RBFOX1: variants seen among roughly 807,000 people sequenced by gnomAD.
The protein encoded by RBFOX1 is RNA binding protein fox-1 homolog 1.
RBFOX1 carries 8 observed loss-of-function variants against 57.7 expected under a neutral mutation model. The ratio of observed to expected loss-of-function variants is 0.14; its 90% CI spans 0.08 to 0.25. RBFOX1 has a LOEUF of 0.25. RBFOX1 is among the 10% of genes least tolerant of loss of function. RBFOX1 has a pLI of 1.00. For synonymous variants in RBFOX1, 326 were observed against 222.4 expected, an observed-to-expected ratio of 1.47 and a Z score of -4.15; for missense variants, 611 against 548.5, an observed-to-expected ratio of 1.11 and a Z score of -1.14.
intron 4 of RBFOX1, among the ~76,000 whole-genome samples, chr16:6,007,416 A>C (rs1471391629): frequency 6.6e-6 from 1 of 152,210 alleles, no homozygotes; most frequent in Non-Finnish European, 1.5e-5. Flanking sequence ...CAGTAGTCAC[A>C]TGACTGAGCA....
chr16:5,918,591 T>G (rs2058756941), intron 4 of RBFOX1, among the ~76,000 whole-genome samples: 1 of 152,226 alleles, frequency 6.6e-6, no homozygotes, highest in Non-Finnish European at 1.5e-5. Flanking sequence ...TCCACAATTC[T>G]CTGGATGAAT....
intron 6 of RBFOX1, among the ~76,000 whole-genome samples, chr16:7,582,550 G>T (rs2093853992): frequency 1.3e-5 from 2 of 152,122 alleles, no homozygotes; most frequent in African/African-American, 4.8e-5. Context: ...ACATTTAGTG[G>T]CAGGAATCAC....
chr16:7,110,406 G>GT (rs5815372), intron 4 of RBFOX1, among the ~76,000 whole-genome samples: 76,910 of 151,684 alleles, frequency 0.51, 20,414 homozygotes, highest in South Asian at 0.69. Context: ...ACATTGAGGG[G>GT]TTGAAAGATG....
intron 3 of RBFOX1, among the ~76,000 whole-genome samples, chr16:6,893,514 A>T (rs932755924): frequency 6.6e-6 from 1 of 152,166 alleles, no homozygotes; most frequent in Non-Finnish European, 1.5e-5. Context: ...CTGGGGCTCT[A>T]TGCTGAGCTC....
intron 1 of RBFOX1, chr16:6,089,996 A>G (rs375165644): frequency 1.3e-5 from 2 of 152,194 alleles, no homozygotes; most frequent in East Asian, 1.9e-4. Context: ...TAACTGGGCT[A>G]ACATCACGAG....
chr16:6,056,764 C>T (rs1049416722), intron 1 of RBFOX1, among the ~76,000 whole-genome samples: 2 of 151,696 alleles, frequency 1.3e-5, no homozygotes, highest in Non-Finnish European at 2.9e-5. Context: ...ATCACACTCC[C>T]TTTTGAGTGT....
At chr16:7,484,433 A>C (rs889187299) in intron 4 of RBFOX1, among the ~76,000 whole-genome samples, 1 of 152,084 alleles carries the variant, frequency 6.6e-6, no homozygotes, top group African/African-American at 2.4e-5. Context: ...TGGCTGTGCC[A>C]TTTTGCTTTT....
intron 3 of RBFOX1, among the ~76,000 whole-genome samples, chr16:6,877,523 G>A (rs919956284): frequency 1.3e-5 from 2 of 152,082 alleles, no homozygotes; most frequent in East Asian, 1.9e-4. Context: ...AAAGAGCATC[G>A]ACTCTCAGTG....
At chr16:7,318,619 C>G (rs2096488104) in intron 4 of RBFOX1, among the ~76,000 whole-genome samples, 2 of 152,162 alleles carry the variant, frequency 1.3e-5, no homozygotes, top group South Asian at 4.1e-4. Flanking sequence ...TTCCTATAAA[C>G]AAACTCTTAG....
chr16:6,518,981 T>C (rs965683523), intron 2 of RBFOX1, among the ~76,000 whole-genome samples: 1 of 151,702 alleles, frequency 6.6e-6, no homozygotes, highest in African/African-American at 2.4e-5. Flanking sequence ...GGCCAGAAAA[T>C]AAAGGGGGAA....
chr16:6,948,321 A>G (rs1015703049), intron 3 of RBFOX1, among the ~76,000 whole-genome samples: 3 of 151,478 alleles, frequency 2.0e-5, no homozygotes, highest in African/African-American at 7.3e-5. Context: ...AAAGCCAGGT[A>G]ATGGAAACAA....
chr16:6,410,973 C>G (rs1459175068), intron 2 of RBFOX1, among the ~76,000 whole-genome samples: 1 of 152,152 alleles, frequency 6.6e-6, no homozygotes, highest in Non-Finnish European at 1.5e-5. Flanking sequence ...AACATCCCCA[C>G]AATAACCCCG....
intron 4 of RBFOX1, among the ~76,000 whole-genome samples, chr16:7,186,683 G>T (rs1001253549): frequency 6.8e-6 from 1 of 146,932 alleles, no homozygotes; most frequent in East Asian, 2.0e-4. Flanking sequence ...ACATACTTAC[G>T]TCTTTAAATA....
At chr16:7,706,641 C>A (rs1878915659) in intron 14 of RBFOX1, among the ~76,000 whole-genome samples, 1 of 152,180 alleles carries the variant, frequency 6.6e-6, no homozygotes, top group Non-Finnish European at 1.5e-5. Context: ...CTTGCCATAA[C>A]ATCACTTAAC....
chr16:5,459,556 A>C (rs963299774), intron 1 of RBFOX1, among the ~76,000 whole-genome samples: 3 of 152,092 alleles, frequency 2.0e-5, no homozygotes, highest in African/African-American at 7.2e-5. Flanking sequence ...CCGCATGTCC[A>C]CTTGTCTCAT....
intron 13 of RBFOX1, among the ~76,000 whole-genome samples, chr16:7,666,348 A>T (rs2069258165): frequency 6.6e-6 from 1 of 151,648 alleles, no homozygotes; most frequent in Admixed American, 6.6e-5. Context: ...TTTTTAAAAA[A>T]TCCACCAAAA....
At chr16:6,211,519 C>T (rs537805988) in intron 1 of RBFOX1, among the ~76,000 whole-genome samples, 9 of 152,240 alleles carry the variant, frequency 5.9e-5, no homozygotes, top group South Asian at 2.1e-4. Flanking sequence ...TGAGCCACCT[C>T]GCCCAGCCAA....
rs57831295 is a variant in RBFOX1, at chr16:6,868,393, C to T, written c.-15-183664C>T. 6.2e-3 allele frequency among the ~76,000 whole-genome samples: 936 copies of T among 152,154 alleles called. 11 individuals carry two copies. Among genetic ancestry groups the T allele is most frequent in the African/African-American group, 0.021 (887 of 41,508 alleles). On this transcript the variant is annotated intron_variant, in intron 3 of 15. Transcript: ENST00000550418. ...ATCTAGAGAAATTTCTGTAAGTTTTCTTTTGGGTTAGTGTTCAAATTGGTA... is the reference window on the plus strand; with the variant it reads ...ATCTAGAGAAATTTCTGTAAGTTTTTTTTTGGGTTAGTGTTCAAATTGGTA...
At chr16:5,700,982 T>C (rs2051025907) in intron 3 of RBFOX1, among the ~76,000 whole-genome samples, 1 of 152,194 alleles carries the variant, frequency 6.6e-6, no homozygotes, top group South Asian at 2.1e-4. Context: ...TTCCAAAAGG[T>C]AGAATGACAC....
Sources: allele counts gnomAD v4.1 joint callset (sites outside exome capture counted in the v4.1 genomes callset), GRCh38; gene constraint gnomAD v4.1.1; transcripts MANE v1.5; gene names NCBI Gene and HGNC (gene_info 2026-07-23, HGNC 2026-07-21).